Variants in SEC24B observed in about 807,000 individuals in gnomAD.
SEC24B encodes protein transport protein Sec24B.
In SEC24B, 45 loss-of-function variants were observed where a neutral mutation model predicts 142.8. The ratio of observed to expected loss-of-function variants is 0.32; its 90% CI spans 0.25 to 0.40. The LOEUF (loss-of-function observed/expected upper bound fraction) is 0.40, where lower values mean the gene tolerates loss of function less well. Among genes scored for constraint, SEC24B ranks in the 10% least tolerant of loss-of-function variants. The pLI is 1.00. For missense variants in SEC24B, 1,409 were observed against 1,526.8 expected, an observed-to-expected ratio of 0.92 and a Z score of 1.29; for synonymous variants, 574 against 568.2, an observed-to-expected ratio of 1.01 and a Z score of -0.15.
At chr4:109,442,557 C>T (rs1729035037) in intron 1 of SEC24B, among the ~76,000 whole-genome samples, 1 of 151,786 alleles carries the variant, frequency 6.6e-6, no homozygotes, top group Admixed American at 6.6e-5. Context: ...CTTTGCTGAC[C>T]TTGATGTTTG....
rs756250783 is a variant in SEC24B at position 109,531,381 on chromosome 4, G to A, written c.3253-4G>A. On this transcript the variant is annotated splice_polypyrimidine_tract_variant and splice_region_variant and intron_variant, in intron 19 of 23. Transcript: ENST00000265175. ...CTTGAAAACGTTTATCTTTTTCCTT[G>A]TAGAAAGCATTTAGAACGGGTACAA... 12 of 1,594,460 alleles carry A rather than the reference G, an allele frequency of 7.5e-6. No homozygotes were observed. In the African/African-American group the frequency reaches 9.4e-5, roughly 13 times the overall value.
intron 4 of SEC24B, among the ~76,000 whole-genome samples, chr4:109,485,215 A>G (rs1162865366): frequency 6.6e-6 from 1 of 152,262 alleles, no homozygotes; most frequent in East Asian, 1.9e-4. Context: ...TGTCATTACC[A>G]GCATTGAGAT....
At chr4:109,494,528 T>C (rs1470684317) in intron 5 of SEC24B, 87 bp from the exon 6 acceptor site, 24 of 1,533,852 alleles carry the variant, frequency 1.6e-5, no homozygotes, top group Non-Finnish European at 1.9e-5. Flanking sequence ...AAAAAGGAAA[T>C]GTCAGGGGTT....
chr4:109,489,483 A>G (rs372085136), intron 4 of SEC24B, among the ~76,000 whole-genome samples: 2 of 148,792 alleles, frequency 1.3e-5, no homozygotes, highest in Middle Eastern at 3.2e-3. Flanking sequence ...CCCCACTTCT[A>G]TTTAGCTCTA....
At chr4:109,453,425 G>A (rs1730314815) in intron 1 of SEC24B, among the ~76,000 whole-genome samples, 1 of 121,728 alleles carries the variant, frequency 8.2e-6, no homozygotes, top group Admixed American at 1.0e-4. Context: ...GACATTCCTA[G>A]GGTGGCCATT....
chr4:109,517,335 C>G (rs1294580516), intron 11 of SEC24B, among the ~76,000 whole-genome samples: 1 of 152,070 alleles, frequency 6.6e-6, no homozygotes, highest in Non-Finnish European at 1.5e-5. Context: ...CATGGATAAA[C>G]CTGGAGGTCA....
In SEC24B at chr4:109,512,834, G is replaced by C. The variant is rs376601873; in HGVS notation, c.1903+751G>C. ...GCACCACCACACCTGGCTAATTTTT[G>C]TATTTTTGGTAGAAATGGGGTCTCG... is the stretch of plus-strand genomic sequence containing the variant. On this transcript the variant is annotated intron_variant, in intron 9 of 23. Transcript: ENST00000265175. Among the ~76,000 whole-genome samples the C allele has an allele frequency of 1.1e-4, 17 of 151,486 alleles. No homozygotes were observed. In the East Asian group the frequency reaches 3.3e-3, roughly 30 times the overall value.
At chr4:109,498,048 G>C (rs1218386668) in intron 6 of SEC24B, among the ~76,000 whole-genome samples, 4 of 152,132 alleles carry the variant, frequency 2.6e-5, no homozygotes, top group African/African-American at 9.7e-5. Context: ...CCAGTACCAG[G>C]CTTGGTTCTA....
intron 9 of SEC24B, 75 bp from the exon 10 acceptor site, chr4:109,513,672 T>C (rs1363936977): frequency 2.8e-5 from 22 of 797,328 alleles, no homozygotes; most frequent in Non-Finnish European, 4.4e-5. Flanking sequence ...ATAATAGATA[T>C]TTATTTTTAG....
At position 109,463,440 on chromosome 4, in the gene SEC24B, A is replaced by G. The variant is rs778022531; in HGVS notation, c.673A>G (p.Asn225Asp). 5 of 1,614,176 alleles carry G rather than the reference A, an allele frequency of 3.1e-6. No individual in the cohort carries two copies. The highest frequency in any genetic ancestry group is 1.7e-5 in the Admixed American group (1 of 60,018). ...TCCGACTGTTAGGCCAGTTAAAGAT[A>G]ATTCATTCTCTGGTCAAAATACAGC... is the stretch of plus-strand genomic sequence containing the variant. The part of the protein sequence containing the change: ...NAPTVRPVKD[N>D]SFSGQNTAIS... The change falls in exon 2 of 24, where the codon AAT becomes GAT. Residue 225 changes from asparagine to aspartate, a missense_variant. Transcript: ENST00000265175.
intron 14 of SEC24B, 131 bp downstream of exon 14, chr4:109,521,757 G>C (rs890547220): frequency 9.8e-6 from 7 of 713,000 alleles, no homozygotes; most frequent in African/African-American, 3.6e-5. Flanking sequence ...TTTGAGACGT[G>C]GTCTCACACT....
At chr4:109,467,025 T>C (rs2125942289) in intron 2 of SEC24B, among the ~76,000 whole-genome samples, 1 of 152,184 alleles carries the variant, frequency 6.6e-6, no homozygotes, top group East Asian at 1.9e-4. Context: ...CTTCAATTAT[T>C]TTATTAAAAA....
At chr4:109,539,508 T>C in intron 23 of SEC24B, 53 bp from the exon 24 acceptor site, 3 of 1,074,338 alleles carry the variant, frequency 2.8e-6, no homozygotes, top group Non-Finnish European at 4.3e-6. Flanking sequence ...TGCAAAGTGG[T>C]GAAATCAGGG....
intron 21 of SEC24B, among the ~76,000 whole-genome samples, chr4:109,533,274 T>C (rs1046852937): frequency 1.3e-5 from 2 of 152,150 alleles, no homozygotes; most frequent in African/African-American, 4.8e-5. Flanking sequence ...GAGAAATGCA[T>C]GAGTGAAAAT....
At chr4:109,500,342 G>C (rs946184972) in intron 6 of SEC24B, among the ~76,000 whole-genome samples, 8 of 151,962 alleles carry the variant, frequency 5.3e-5, no homozygotes, top group Non-Finnish European at 1.0e-4. Flanking sequence ...TCAGGAGTTT[G>C]AGACCAGCCT....
Position 109,516,557 on chromosome 4 carries a change from G to C in SEC24B, c.2043G>C (p.Leu681Phe). Reference protein sequence around the residue: ...MLRPPQPAVYLFVLDVSHNAV... With the variant: ...MLRPPQPAVYFFVLDVSHNAV... ...GTCCTCCTCAACCTGCAGTTTACTT[G>C]TTTGTTTTAGATGTGTCTCATAATG... The change falls in exon 11 of 24, where the codon TTG becomes TTC. Residue 681 changes from leucine (L) to phenylalanine (F), a missense_variant. By Grantham distance (22) the Leu-to-Phe change is conservative. Coordinates refer to ENST00000265175, the MANE Select transcript of SEC24B (RefSeq NM_006323.5). The C allele has an allele frequency of 6.2e-7, 1 of 1,612,008 alleles. No homozygotes were observed. Among genetic ancestry groups the C allele is most frequent in the Non-Finnish European group, 8.5e-7 (1 of 1,178,962 alleles).
At chr4:109,499,071 A>G (rs1417340248) in intron 6 of SEC24B, among the ~76,000 whole-genome samples, 2 of 152,214 alleles carry the variant, frequency 1.3e-5, no homozygotes, top group Non-Finnish European at 2.9e-5. Flanking sequence ...GGAAAATACT[A>G]ATAAATATTA....
intron 18 of SEC24B, among the ~76,000 whole-genome samples, chr4:109,528,553 C>A (rs1019531848): frequency 6.6e-6 from 1 of 151,734 alleles, no homozygotes; most frequent in East Asian, 1.9e-4. Context: ...TGCAAAGGGG[C>A]AAGTATAGGG....
At chr4:109,498,833 T>C (rs1735808425) in intron 6 of SEC24B, among the ~76,000 whole-genome samples, 1 of 152,122 alleles carries the variant, frequency 6.6e-6, no homozygotes, top group Admixed American at 6.6e-5. Flanking sequence ...AGATGACTTA[T>C]TAAGTAGTGG....
Sources: allele counts gnomAD v4.1 joint callset (sites outside exome capture counted in the v4.1 genomes callset), GRCh38; gene constraint gnomAD v4.1.1; transcripts MANE v1.5; gene names NCBI Gene and HGNC (gene_info 2026-07-23, HGNC 2026-07-21).